MACF1: variants seen among roughly 807,000 people sequenced by gnomAD.
MACF1 encodes microtubule-actin cross-linking factor 1.
In MACF1, 193 loss-of-function variants were observed where a neutral mutation model predicts 854.8. The observed-to-expected ratio is 0.23, with a 90% CI of 0.20 to 0.25. The LOEUF (loss-of-function observed/expected upper bound fraction) is 0.25, where lower values mean the gene tolerates loss of function less well. Ranked by LOEUF, MACF1 falls within the 10% of genes least tolerant of loss-of-function variation. MACF1 has a pLI of 1.00. For synonymous variants in MACF1, 3,185 were observed against 3,226.7 expected, an observed-to-expected ratio of 0.99 and a Z score of 0.44; for missense variants, 7,722 against 8,929.1, an observed-to-expected ratio of 0.86 and a Z score of 5.45.
chr1:39,376,166 T>A (rs185520497), intron 52 of MACF1, among the ~76,000 whole-genome samples: 1 of 152,316 alleles, frequency 6.6e-6, no homozygotes, highest in East Asian at 1.9e-4. Flanking sequence ...CATAATTGGT[T>A]TTATCTGGTG....
At chr1:39,099,144 T>G (rs1015808546) in intron 2 of MACF1, among the ~76,000 whole-genome samples, 1 of 152,160 alleles carries the variant, frequency 6.6e-6, no homozygotes, top group Non-Finnish European at 1.5e-5. Flanking sequence ...ACACACACAC[T>G]CACTACTAGC....
At chr1:39,384,255 T>C (rs1650497362) in intron 56 of MACF1, among the ~76,000 whole-genome samples, 1 of 152,184 alleles carries the variant, frequency 6.6e-6, no homozygotes, top group African/African-American at 2.4e-5. Flanking sequence ...TTCACAGTTC[T>C]GTGTTGCGTG....
At chr1:39,262,855 T>A (rs1397072525) in intron 6 of MACF1, among the ~76,000 whole-genome samples, 2 of 152,202 alleles carry the variant, frequency 1.3e-5, no homozygotes, top group Non-Finnish European at 2.9e-5. Flanking sequence ...ATTCCTTTTC[T>A]TTGCCGTTCT....
chr1:39,462,060 G>T (rs1363036856), intron 93 of MACF1, 23 bp downstream of exon 93: 3 of 1,611,942 alleles, frequency 1.9e-6, no homozygotes, highest in African/African-American at 1.3e-5. Flanking sequence ...ATTATATTTT[G>T]AGTACACTTC....
intron 58 of MACF1, among the ~76,000 whole-genome samples, chr1:39,399,902 A>T (rs929862823): frequency 6.6e-6 from 1 of 152,218 alleles, no homozygotes; most frequent in African/African-American, 2.4e-5. Flanking sequence ...CTGGATGAAC[A>T]TTCTTTATTT....
At chr1:39,338,278 A>G (rs1242551598) in intron 38 of MACF1, among the ~76,000 whole-genome samples, 2 of 151,560 alleles carry the variant, frequency 1.3e-5, no homozygotes, top group African/African-American at 2.4e-5. Flanking sequence ...TTTTTAGTGC[A>G]TAAATTCATA....
At position 39,447,902 on chromosome 1, in the gene MACF1, A is replaced by G; in HGVS notation, c.19968+4A>G. On this transcript the variant is annotated splice_donor_region_variant and intron_variant, in intron 82 of 100. Transcript: ENST00000564288. ...TGCCAGGAAGCGGGCAAAACAAGTA[A>G]GTTGGGGAAGAAAGATACTAATTCA... 1 of 1,613,960 alleles carries G rather than the reference A, an allele frequency of 6.2e-7. No homozygotes were observed. Among genetic ancestry groups the G allele is most frequent in the South Asian group, 1.1e-5 (1 of 91,068 alleles).
chr1:39,122,483 G>A (rs946806525), intron 2 of MACF1, among the ~76,000 whole-genome samples: 2 of 152,022 alleles, frequency 1.3e-5, no homozygotes, highest in African/African-American at 2.4e-5. Context: ...TTGAACTCCT[G>A]ACCTCATGAT....
intron 68 of MACF1, 145 bp from the exon 69 acceptor site, chr1:39,434,266 TAAA>T (rs1643924511): frequency 4.9e-6 from 2 of 409,382 alleles, no homozygotes; most frequent in African/African-American, 2.0e-5. Flanking sequence ...AAGAAGAAAA[TAAA>T]AATCACTTGT....
chr1:39,307,876 T>C (rs1646216232), intron 23 of MACF1, among the ~76,000 whole-genome samples: 1 of 148,484 alleles, frequency 6.7e-6, no homozygotes, highest in Non-Finnish European at 1.5e-5. Context: ...CCAGTCTGGA[T>C]TATTTCTCTT....
At position 39,285,454 on chromosome 1, in the gene MACF1, C is replaced by T. The variant is rs551696545; in HGVS notation, c.1353+64C>T. On this transcript the variant is annotated intron_variant, in intron 13 of 100. Coordinates refer to ENST00000564288, the MANE Select transcript of MACF1 (RefSeq NM_001394062.1). ...TGTTTCCTGCTTCTCACCCTCTGCT[C>T]TAATTGTTGAAGTTAGCAATCGAGG... 42 of 1,563,916 alleles carry T rather than the reference C, an allele frequency of 2.7e-5. No individual in the cohort carries two copies. In the East Asian group the frequency reaches 8.5e-4, roughly 32 times the overall value.
chr1:39,250,137 T>TGA, intron 3 of MACF1, 34 bp downstream of exon 3: 3 of 1,450,572 alleles, frequency 2.1e-6, no homozygotes, highest in Non-Finnish European at 2.9e-6. Context: ...CTCACAATTG[T>TGA]GGCCCTACAA....
intron 2 of MACF1, among the ~76,000 whole-genome samples, chr1:39,140,097 G>C (rs144644741): frequency 1.8e-3 from 273 of 152,102 alleles, no homozygotes; most frequent in Non-Finnish European, 2.9e-3. Context: ...AGGACTATAG[G>C]TGTATGCCAC....
At chr1:39,440,297 G>C (rs907562885) in intron 72 of MACF1, among the ~76,000 whole-genome samples, 4 of 150,680 alleles carry the variant, frequency 2.7e-5, no homozygotes, top group Non-Finnish European at 5.9e-5. Context: ...ATAGAGATGG[G>C]GTTTCACCAT....
rs889424758 is a variant in MACF1 at position 39,388,112 on chromosome 1, C to T, written c.15270C>T (p.Leu5090=). The part of the protein sequence containing the change: ...APDGSDASQL[L]HQAEVAQQEF... ...ATGGATCTGATGCTTCTCAACTTCT[C>T]CACCAAGCTGAGGTCGCCCAGCAAG... Residue 5090 remains leucine, a synonymous_variant, in exon 58 of 101, where the codon CTC becomes CTT. Coordinates refer to ENST00000564288, the MANE Select transcript of MACF1 (RefSeq NM_001394062.1). 1.2e-6 allele frequency: 2 copies of T among 1,614,088 alleles called. No individual in the cohort carries two copies. Among genetic ancestry groups the T allele is most frequent in the Admixed American group, 3.3e-5 (2 of 59,994 alleles).
intron 2 of MACF1, among the ~76,000 whole-genome samples, chr1:39,125,441 G>A (rs1391268221): frequency 2.0e-5 from 3 of 152,154 alleles, no homozygotes; most frequent in Non-Finnish European, 4.4e-5. Flanking sequence ...AAGATAATAC[G>A]TATTAGCACC....
chr1:39,412,975 C>A, intron 58 of MACF1: 1 of 1,588,676 alleles, frequency 6.3e-7, no homozygotes, highest in Non-Finnish European at 8.6e-7. Context: ...AGTATCAGCC[C>A]CAGAGAGGGC....
Position 39,300,307 on chromosome 1 carries a change from A to G in MACF1, c.2579A>G (p.His860Arg). ...IVQLKPRSPD[H>R]VLKNTISVKA... ...CAGCTAAAACCACGCAGTCCAGACC[A>G]TGTGTTAAAGAACACCATTTCTGTC... Residue 860 changes from histidine (H) to arginine (R), a missense_variant, in exon 22 of 101, where the codon CAT becomes CGT. Physicochemically the swap from His to Arg is conservative, Grantham distance 29. Around this residue, in one of 15 missense-constraint regions of MACF1, gnomAD observed 1,137 missense variants for 1,263.0 expected, o/e 0.90. Transcript: ENST00000564288. The G allele has an allele frequency of 1.2e-6, 2 of 1,613,994 alleles. No individual in the cohort carries two copies. Among genetic ancestry groups the G allele is most frequent in the South Asian group, 2.2e-5 (2 of 91,034 alleles).
chr1:39,351,426 A>G (rs932007376), intron 43 of MACF1, among the ~76,000 whole-genome samples: 4 of 152,126 alleles, frequency 2.6e-5, no homozygotes, highest in African/African-American at 9.7e-5. Flanking sequence ...GGAGGAGTTT[A>G]AGTCAGGACA....
Sources: gnomAD v4.1 joint callset for allele counts (sites outside exome capture counted in the v4.1 genomes callset) on GRCh38, gnomAD v4.1.1 for gene constraint, gnomAD v4.1.1 regional missense constraint, MANE v1.5 for transcripts, NCBI Gene and HGNC (gene_info 2026-07-23, HGNC 2026-07-21) for gene names.